Variants in PREX2 observed in about 807,000 individuals in gnomAD.
The protein encoded by PREX2 is phosphatidylinositol-3,4,5-trisphosphate dependent Rac exchange factor 2.
PREX2 carries 107 observed loss-of-function variants against 203.2 expected under a neutral mutation model. That is an observed-to-expected ratio of 0.53 (90% CI 0.45 to 0.62). The LOEUF is 0.62. Ranked by LOEUF, PREX2 falls within the 20% of genes least tolerant of loss-of-function variation. PREX2 has a pLI of 0.00. For missense variants in PREX2, 1,777 were observed against 1,955.9 expected (o/e 0.91, Z 1.72); for synonymous variants, 672 against 663.6 (o/e 1.01, Z -0.19).
In PREX2 at chr8:68,192,539, C is replaced by A. The variant is rs1159016217; in HGVS notation, c.4604+14C>A. ...CGGTGTGCATCGGTATGTGACCCTC[C>A]CGCCTTGCTTGCCTCTTTGTTAGAT... On this transcript the variant is annotated intron_variant, in intron 37 of 39. Transcript: ENST00000288368. 12 of 1,572,690 alleles carry A rather than the reference C, an allele frequency of 7.6e-6. No homozygotes were observed. In the East Asian group the frequency reaches 1.6e-4, roughly 21 times the overall value.
intron 37 of PREX2, among the ~76,000 whole-genome samples, chr8:68,196,823 C>G (rs1327796192): frequency 1.3e-5 from 2 of 152,030 alleles, no homozygotes; most frequent in African/African-American, 4.8e-5. Flanking sequence ...GAGGCCTCCC[C>G]AGAGGCAGAA....
chr8:67,955,285 C>T (rs1332670647), intron 1 of PREX2, among the ~76,000 whole-genome samples: 1 of 152,156 alleles, frequency 6.6e-6, no homozygotes, highest in African/African-American at 2.4e-5. Flanking sequence ...TCCCCCACTG[C>T]CATCCCCAAG....
At chr8:67,974,915 T>C (rs1464422459) in intron 1 of PREX2, among the ~76,000 whole-genome samples, 1 of 152,202 alleles carries the variant, frequency 6.6e-6, no homozygotes, top group Non-Finnish European at 1.5e-5. Context: ...ACAGTTTTTG[T>C]GTGCACATCC....
chr8:68,127,936 A>G (rs947319960), intron 31 of PREX2, among the ~76,000 whole-genome samples: 1 of 152,172 alleles, frequency 6.6e-6, no homozygotes, highest in Non-Finnish European at 1.5e-5. Flanking sequence ...GGCAGGCACT[A>G]TGTCTATTTT....
chr8:67,976,682 AG>A (rs1392309840), intron 1 of PREX2, among the ~76,000 whole-genome samples: 1 of 60,204 alleles, frequency 1.7e-5, no homozygotes, highest in Non-Finnish European at 3.5e-5. Flanking sequence ...AGAGAGAGAC[AG>A]GAGAGAGACA....
intron 1 of PREX2, among the ~76,000 whole-genome samples, chr8:67,955,332 G>A (rs1378811431): frequency 6.6e-6 from 1 of 152,034 alleles, no homozygotes; most frequent in East Asian, 1.9e-4. Flanking sequence ...TCTAAGCTAA[G>A]GTATGGGTCT....
At position 68,000,524 on chromosome 8, in the gene PREX2, A is replaced by C. The variant is rs192593559; in HGVS notation, c.142-17322A>C. On this transcript the variant is annotated intron_variant, in intron 1 of 39. Coordinates refer to ENST00000288368, the MANE Select transcript of PREX2 (RefSeq NM_024870.4). Reference sequence around the variant, plus strand: ...TATCATTTAAACGTCCATACTGCCCAAAACAATTTACAAATTCAATGTTAT... The same window carrying C: ...TATCATTTAAACGTCCATACTGCCCCAAACAATTTACAAATTCAATGTTAT... 4.1e-4 allele frequency among the ~76,000 whole-genome samples: 62 copies of C among 152,338 alleles called. 1 individual carries two copies. Among genetic ancestry groups the C allele is most frequent in the African/African-American group, 1.4e-3 (60 of 41,576 alleles).
At chr8:67,979,506 A>G (rs1259829342) in intron 1 of PREX2, among the ~76,000 whole-genome samples, 1 of 152,170 alleles carries the variant, frequency 6.6e-6, no homozygotes, top group Non-Finnish European at 1.5e-5. Context: ...CATATGGAAA[A>G]GTTTGACTCC....
chr8:68,221,595 A>C (rs1812954012), intron 38 of PREX2, among the ~76,000 whole-genome samples: 1 of 152,182 alleles, frequency 6.6e-6, no homozygotes, highest in South Asian at 2.1e-4. Flanking sequence ...TGCAGACAGG[A>C]AGGGAAGGGG....
chr8:68,054,553 T>C (rs11984780), intron 9 of PREX2, among the ~76,000 whole-genome samples: 87,251 of 152,038 alleles, frequency 0.57, 26,520 homozygotes, highest in African/African-American at 0.78. Flanking sequence ...TGCAGCTAGA[T>C]GACTAAAAAT....
chr8:67,952,648 G>A, intron 1 of PREX2, 113 bp downstream of exon 1: 1 of 1,433,344 alleles, frequency 7.0e-7, no homozygotes, highest in Non-Finnish European at 9.6e-7. Context: ...GGGACGGGTC[G>A]GGGCATCACA....
intron 9 of PREX2, among the ~76,000 whole-genome samples, chr8:68,055,232 C>A (rs1808639542): frequency 6.6e-6 from 1 of 152,140 alleles, no homozygotes; most frequent in South Asian, 2.1e-4. Flanking sequence ...TAAATTGAAA[C>A]TGCAGGTTGA....
chr8:68,180,450 A>ATTT (rs1812062149), intron 35 of PREX2, among the ~76,000 whole-genome samples: 1 of 152,154 alleles, frequency 6.6e-6, no homozygotes, highest in Non-Finnish European at 1.5e-5. Flanking sequence ...TGAACAAATA[A>ATTT]GTGAATACAC....
At position 68,098,938 on chromosome 8, in the gene PREX2, G is replaced by GTATATATATATATA. The variant is rs71253061; in HGVS notation, c.2554-718_2554-705dup. Among the ~76,000 whole-genome samples the GTATATATATATATA allele has an allele frequency of 1.3e-3, 140 of 109,770 alleles. 1 individual carries two copies. Among genetic ancestry groups the GTATATATATATATA allele is most frequent in the Non-Finnish European group, 1.8e-3 (99 of 56,100 alleles). 72.0% of individuals were successfully genotyped at this position (109,770 alleles called of 152,430 possible). The stretch of plus-strand genomic sequence containing the variant: ...AATCAGAAATGCTACATATATATGT[G>GTATATATATATATA]TATATATATATATATATATATATAT... On this transcript the variant is annotated intron_variant, in intron 22 of 39. Coordinates refer to ENST00000288368, the MANE Select transcript of PREX2 (RefSeq NM_024870.4).
At chr8:68,160,909 A>T (rs1257420124) in intron 35 of PREX2, among the ~76,000 whole-genome samples, 16 of 152,156 alleles carry the variant, frequency 1.1e-4, no homozygotes, top group Non-Finnish European at 2.1e-4. Context: ...AATATTGTGT[A>T]AAAATCCTAT....
At chr8:67,984,407 A>T (rs1806355799) in intron 1 of PREX2, among the ~76,000 whole-genome samples, 1 of 152,194 alleles carries the variant, frequency 6.6e-6, no homozygotes, top group Non-Finnish European at 1.5e-5. Context: ...GCACTTTATC[A>T]CTTAATGTTT....
At position 68,231,471 on chromosome 8, in the gene PREX2, T is replaced by A; in HGVS notation, c.*93T>A. ...CTAAACATTCTCCACTGAAGATACA[T>A]CAATGCTTTTTTTTTTTTTTTTTTC... On this transcript the variant is annotated 3_prime_UTR_variant, in exon 40 of 40. Coordinates refer to ENST00000288368, the MANE Select transcript of PREX2 (RefSeq NM_024870.4). 247 of 628,950 alleles carry A rather than the reference T, an allele frequency of 3.9e-4. No individual in the cohort carries two copies. Among genetic ancestry groups the A allele is most frequent in the Non-Finnish European group, 5.4e-4 (220 of 408,988 alleles). 39.0% of individuals were successfully genotyped at this position (628,950 alleles called of 1,614,324 possible).
At position 68,233,231 on chromosome 8, in the gene PREX2, TAAA is replaced by T. The variant is rs1813201344; in HGVS notation, c.*1854_*1856del. 4 of 152,178 alleles carry T rather than the reference TAAA, an allele frequency of 2.6e-5. No homozygotes were observed. The highest frequency in any genetic ancestry group is 2.6e-4 in the Admixed American group (4 of 15,280). The allele number at this position is 152,178 out of a possible 1,614,324, so 9.4% of individuals were successfully genotyped here. ...AAGGATTTAACATTTGTAGGACTAA[TAAA>T]GGAACACAGCTGATTAGCTAGCAAG... On this transcript the variant is annotated 3_prime_UTR_variant, in exon 40 of 40. Coordinates refer to ENST00000288368, the MANE Select transcript of PREX2 (RefSeq NM_024870.4).
intron 11 of PREX2, among the ~76,000 whole-genome samples, chr8:68,066,274 T>C (rs1380953488): frequency 6.6e-6 from 1 of 152,104 alleles, no homozygotes; most frequent in Admixed American, 6.6e-5. Flanking sequence ...GGTAGTTCTA[T>C]TTTTAGCTTT....
Sources: gnomAD v4.1 joint callset for allele counts (sites outside exome capture counted in the v4.1 genomes callset) on GRCh38, gnomAD v4.1.1 for gene constraint, MANE v1.5 for transcripts, NCBI Gene and HGNC (gene_info 2026-07-23, HGNC 2026-07-21) for gene names.